Variants in PTPRB observed in about 807,000 individuals in gnomAD.
PTPRB encodes protein tyrosine phosphatase receptor type B.
PTPRB carries 97 observed loss-of-function variants against 238.1 expected under a neutral mutation model. That is an observed-to-expected ratio of 0.41 (90% CI 0.35 to 0.48). The LOEUF is 0.48. PTPRB is among the 20% of genes least tolerant of loss of function. PTPRB has a pLI of 0.30. For synonymous variants in PTPRB, 970 were observed against 995.4 expected (o/e 0.97, Z 0.48); for missense variants, 2,292 against 2,681.9 (o/e 0.85, Z 3.21).
At chr12:70,587,946 C>CA (rs1178944543) in intron 8 of PTPRB, among the ~76,000 whole-genome samples, 5 of 151,022 alleles carry the variant, frequency 3.3e-5, no homozygotes, top group African/African-American at 1.2e-4. Flanking sequence ...ACTAAAAATA[C>CA]AAAAATTAGC....
chr12:70,572,412 A>C (rs1880168830), intron 11 of PTPRB, among the ~76,000 whole-genome samples: 1 of 152,146 alleles, frequency 6.6e-6, no homozygotes, highest in South Asian at 2.1e-4. Context: ...GATAATTCCA[A>C]CATACCTTGC....
intron 31 of PTPRB, among the ~76,000 whole-genome samples, chr12:70,533,079 A>G (rs1211568510): frequency 6.6e-6 from 1 of 152,220 alleles, no homozygotes; most frequent in Non-Finnish European, 1.5e-5. Context: ...TCAGGGGTCA[A>G]CACCTAGAAG....
At chr12:70,535,065 G>T in intron 29 of PTPRB, 110 bp from the exon 30 acceptor site, 2 of 1,282,964 alleles carry the variant, frequency 1.6e-6, no homozygotes, top group Non-Finnish European at 2.1e-6. Flanking sequence ...GGGATCAGCT[G>T]CTAAAGCAAT....
chr12:70,610,226 C>A (rs1884355006), intron 3 of PTPRB, among the ~76,000 whole-genome samples: 1 of 152,194 alleles, frequency 6.6e-6, no homozygotes, highest in African/African-American at 2.4e-5. Context: ...CAAGCTGCCC[C>A]CGCTGCCCCG....
intron 2 of PTPRB, among the ~76,000 whole-genome samples, chr12:70,635,312 T>G (rs1885632379): frequency 2.0e-5 from 3 of 152,208 alleles, no homozygotes; most frequent in Admixed American, 2.0e-4. Context: ...CTGACTTTAG[T>G]CATTACATAT....
intron 8 of PTPRB, among the ~76,000 whole-genome samples, chr12:70,589,296 C>T (rs191007400): frequency 1.2e-3 from 188 of 152,176 alleles, no homozygotes; most frequent in African/African-American, 3.6e-3. Context: ...TATTATCAGG[C>T]GAACTAAGAA....
At chr12:70,551,946 C>T (rs1876941686) in intron 21 of PTPRB, among the ~76,000 whole-genome samples, 1 of 152,110 alleles carries the variant, frequency 6.6e-6, no homozygotes, top group African/African-American at 2.4e-5. Flanking sequence ...CATTAGTCAT[C>T]TCCATGGGGA....
chr12:70,594,577 T>C lies in PTPRB; in HGVS notation c.1406A>G (p.His469Arg). 4 of 1,613,988 alleles carry C rather than the reference T, an allele frequency of 2.5e-6. No homozygotes were observed. Among genetic ancestry groups the C allele is most frequent in the Non-Finnish European group, 3.4e-6 (4 of 1,179,888 alleles). ...CCCGTGAAAAGCATAGGAAGTAGCA[T>C]GTTTGTCCACAACACCGCCATGAAC... ...ILVHGGVVDK[H>R]ATSYAFHGLT... is the part of the protein sequence containing the mutation. Residue 469 changes from histidine (H) to arginine (R), a missense_variant, in exon 6 of 34, where the codon CAT (histidine) becomes CGT (arginine). Around this residue, in one of 4 missense-constraint regions of PTPRB, gnomAD observed 1,205 missense variants for 1,287.8 expected, o/e 0.94. Coordinates refer to ENST00000334414, the MANE Select transcript of PTPRB (RefSeq NM_001109754.4).
At chr12:70,596,885 T>A (rs1489038833) in intron 4 of PTPRB, among the ~76,000 whole-genome samples, 1 of 152,068 alleles carries the variant, frequency 6.6e-6, no homozygotes, top group Non-Finnish European at 1.5e-5. Flanking sequence ...CCAAAATGGA[T>A]TCTCCCAGTA....
chr12:70,522,343 CCAGCCCCAGTCAAA>C (rs1251135195), intron 33 of PTPRB, among the ~76,000 whole-genome samples: 1 of 152,216 alleles, frequency 6.6e-6, no homozygotes, highest in Non-Finnish European at 1.5e-5. Flanking sequence ...AGCGAGTCCT[CCAGCCCCAGTCAAA>C]CCTTCAGATA....
intron 15 of PTPRB, among the ~76,000 whole-genome samples, chr12:70,564,699 G>A (rs923438538): frequency 1.3e-5 from 2 of 151,712 alleles, no homozygotes; most frequent in African/African-American, 2.4e-5. Flanking sequence ...TGGGTGTGGT[G>A]GCACATGCCT....
At chr12:70,606,903 A>G (rs575360391) in intron 4 of PTPRB, among the ~76,000 whole-genome samples, 1 of 152,360 alleles carries the variant, frequency 6.6e-6, no homozygotes, top group South Asian at 2.1e-4. Context: ...ATTTATCATT[A>G]TGCAAATACC....
At chr12:70,597,775 G>A (rs1488007224) in intron 4 of PTPRB, among the ~76,000 whole-genome samples, 3 of 152,058 alleles carry the variant, frequency 2.0e-5, no homozygotes, top group Non-Finnish European at 4.4e-5. Context: ...ATATTCACTT[G>A]TAATTTACAT....
At chr12:70,575,759 TATTTAA>T (rs1880617111) in intron 11 of PTPRB, among the ~76,000 whole-genome samples, 1 of 152,240 alleles carries the variant, frequency 6.6e-6, no homozygotes, top group Non-Finnish European at 1.5e-5. Context: ...AAATGGTAGC[TATTTAA>T]ATTTAATTCT....
Position 70,552,833 on chromosome 12 carries a change from G to A in PTPRB, c.5331C>T (p.Cys1777=), listed in dbSNP as rs749655349. 7.4e-6 allele frequency: 12 copies of A among 1,613,830 alleles called. No individual in the cohort carries two copies. The highest frequency in any genetic ancestry group is 3.3e-5 in the South Asian group (3 of 91,084). The change falls in exon 21 of 34, where the codon TGC becomes TGT. Residue 1777 remains cysteine, a synonymous_variant. Transcript: ENST00000334414. ...CACAGAATTTTTGCTGAGTGGGATCGCATTTTCCACCTAGGCTCTCCATCT... is the reference window on the plus strand; with the variant it reads ...CACAGAATTTTTGCTGAGTGGGATCACATTTTCCACCTAGGCTCTCCATCT... ...GAEMESLGGK[C]DPTQQKFCDG... is the part of the protein sequence containing the mutation.
intron 2 of PTPRB, among the ~76,000 whole-genome samples, chr12:70,623,648 C>T (rs959195167): frequency 2.6e-5 from 4 of 152,158 alleles, no homozygotes; most frequent in Non-Finnish European, 5.9e-5. Flanking sequence ...TAGAAAACCC[C>T]ACAAAACCTT....
At chr12:70,601,024 C>T (rs977797244) in intron 4 of PTPRB, among the ~76,000 whole-genome samples, 11 of 152,010 alleles carry the variant, frequency 7.2e-5, no homozygotes, top group African/African-American at 2.4e-4. Context: ...CCTGCCACCA[C>T]GCCCAGCTAA....
rs541254364 is a variant in PTPRB at position 70,546,657 on chromosome 12, C to G, written c.5388-1994G>C. 3.3e-5 allele frequency among the ~76,000 whole-genome samples: 5 copies of G among 152,262 alleles called. No homozygotes were observed. The South Asian group carries it at 1.0e-3, about 32-fold the overall frequency. ...TGAAGGAAGAATTAGGCTCTGTAGG[C>G]TGAATTTATAAGGAAGGAGGAGTTT... On this transcript the variant is annotated intron_variant, in intron 21 of 33. Coordinates refer to ENST00000334414, the MANE Select transcript of PTPRB (RefSeq NM_001109754.4).
chr12:70,628,239 A>G (rs780993886), intron 2 of PTPRB, among the ~76,000 whole-genome samples: 3 of 152,234 alleles, frequency 2.0e-5, no homozygotes, highest in Non-Finnish European at 2.9e-5. Flanking sequence ...ATGAATCTGA[A>G]TTGAGTGGTA....
Sources: gnomAD v4.1 joint callset for allele counts (sites outside exome capture counted in the v4.1 genomes callset) on GRCh38, gnomAD v4.1.1 for gene constraint, gnomAD v4.1.1 regional missense constraint, MANE v1.5 for transcripts, NCBI Gene and HGNC (gene_info 2026-07-23, HGNC 2026-07-21) for gene names.